MBD5: variants seen among roughly 807,000 people sequenced by gnomAD.
The protein encoded by MBD5 is methyl-CpG binding domain protein 5.
In MBD5, 13 loss-of-function variants were observed where a neutral mutation model predicts 117.3. The observed-to-expected ratio is 0.11, with a 90% confidence interval of 0.07 to 0.18. The LOEUF (loss-of-function observed/expected upper bound fraction) is 0.18. MBD5 is among the 10% of genes least tolerant of loss of function. MBD5 has a pLI of 1.00. For synonymous variants in MBD5, 727 were observed against 766.4 expected, an observed-to-expected ratio of 0.95 and a Z score of 0.85; for missense variants, 1,879 against 2,093.8, an observed-to-expected ratio of 0.90 and a Z score of 2.00.
intron 1 of MBD5, among the ~76,000 whole-genome samples, chr2:148,042,306 G>A (rs1237310818): frequency 6.6e-6 from 1 of 152,086 alleles, no homozygotes; most frequent in Non-Finnish European, 1.5e-5. Context: ...TATTTTTAGT[G>A]CCTATATAAC....
intron 4 of MBD5, among the ~76,000 whole-genome samples, chr2:148,369,650 G>A (rs1227288386): frequency 6.6e-6 from 1 of 152,008 alleles, no homozygotes; most frequent in Non-Finnish European, 1.5e-5. Context: ...GAAATAAAAA[G>A]TTGTAATACT....
chr2:148,134,202 T>C (rs1697118460), intron 1 of MBD5, among the ~76,000 whole-genome samples: 1 of 144,504 alleles, frequency 6.9e-6, no homozygotes, highest in Non-Finnish European at 1.5e-5. Context: ...AGATGATTGA[T>C]AGATAGATGA....
chr2:148,478,679 G>A (rs1460600953), intron 8 of MBD5, among the ~76,000 whole-genome samples: 1 of 152,162 alleles, frequency 6.6e-6, no homozygotes, highest in Non-Finnish European at 1.5e-5. Context: ...GTTTGTTTAG[G>A]TGGCCTTCCA....
intron 4 of MBD5, among the ~76,000 whole-genome samples, chr2:148,350,347 G>A (rs746328724): frequency 4.6e-5 from 7 of 151,924 alleles, no homozygotes; most frequent in Non-Finnish European, 7.4e-5. Context: ...AAAACCTACA[G>A]CAACAGTCAA....
At chr2:148,143,486 T>G (rs187854766) in intron 1 of MBD5, among the ~76,000 whole-genome samples, 2 of 152,344 alleles carry the variant, frequency 1.3e-5, no homozygotes, top group Admixed American at 1.3e-4. Context: ...TCAATTTTTT[T>G]TAATTATACT....
At chr2:148,282,965 T>C (rs1007759531) in intron 3 of MBD5, among the ~76,000 whole-genome samples, 4 of 144,128 alleles carry the variant, frequency 2.8e-5, no homozygotes, top group Admixed American at 1.4e-4. Flanking sequence ...ATGTCAGACA[T>C]TGGCAATTAT....
intron 4 of MBD5, among the ~76,000 whole-genome samples, chr2:148,422,743 A>G (rs2105275142): frequency 6.6e-6 from 1 of 152,282 alleles, no homozygotes; most frequent in Admixed American, 6.5e-5. Context: ...AACATAAATG[A>G]CCTCATGGAG....
At chr2:148,177,057 C>G (rs988743658) in intron 1 of MBD5, among the ~76,000 whole-genome samples, 1 of 152,100 alleles carries the variant, frequency 6.6e-6, no homozygotes, top group East Asian at 1.9e-4. Context: ...AAGATATAAT[C>G]CATAAACATG....
chr2:148,499,461 T>C (rs561512681), intron 11 of MBD5, among the ~76,000 whole-genome samples: 4 of 152,322 alleles, frequency 2.6e-5, no homozygotes, highest in African/African-American at 9.6e-5. Context: ...AGCATGAAAC[T>C]GTGTGGGTAG....
At chr2:148,485,717 A>C in intron 9 of MBD5, 25 bp from the exon 10 acceptor site, 1 of 1,527,458 alleles carries the variant, frequency 6.5e-7, no homozygotes, top group Non-Finnish European at 9.0e-7. Context: ...ACATTTATTT[A>C]TATTTTATGT....
chr2:148,345,140 G>A (rs534088809), intron 4 of MBD5, among the ~76,000 whole-genome samples: 2 of 151,682 alleles, frequency 1.3e-5, no homozygotes, highest in East Asian at 3.9e-4. Context: ...TTGTATTAGT[G>A]AGGGTTCTTT....
chr2:148,392,187 T>G (rs567750188), intron 4 of MBD5, among the ~76,000 whole-genome samples: 1 of 152,356 alleles, frequency 6.6e-6, no homozygotes, highest in South Asian at 2.1e-4. Flanking sequence ...CATTTCATTA[T>G]TGCTATAGTT....
intron 3 of MBD5, among the ~76,000 whole-genome samples, chr2:148,334,610 A>C (rs1162094282): frequency 6.6e-6 from 1 of 152,202 alleles, no homozygotes; most frequent in African/African-American, 2.4e-5. Context: ...CTAGGATTAC[A>C]GACATTACCA....
At chr2:148,502,136 A>G (rs1382742970) in intron 11 of MBD5, among the ~76,000 whole-genome samples, 1 of 152,182 alleles carries the variant, frequency 6.6e-6, no homozygotes, top group Non-Finnish European at 1.5e-5. Flanking sequence ...AGGATCTCTG[A>G]TTTTTATGAT....
At chr2:148,197,806 G>GTTTTTTTTTTTTTTT (rs67499597) in intron 2 of MBD5, among the ~76,000 whole-genome samples, 9 of 92,518 alleles carry the variant, frequency 9.7e-5, no homozygotes, top group East Asian at 3.0e-4. Flanking sequence ...TTTTTTTTTT[G>GTTTTTTTTTTTTTTT]TTTTTTTTTT....
chr2:148,258,622 TGGGACC>T lies in MBD5; in HGVS notation c.-680+25231_-680+25236del, dbSNP rs1700651077. On this transcript the variant is annotated intron_variant, in intron 3 of 13. Transcript: ENST00000642680. The stretch of plus-strand genomic sequence containing the variant: ...TAGTCTTTGAGGTAAAGCACCCGGG[TGGGACC>T]GGGTGGCGCAGCAGTGTATTTCTCC... 4.6e-5 allele frequency among the ~76,000 whole-genome samples: 7 copies of T among 152,248 alleles called. 1 individual carries two copies. The highest frequency in any genetic ancestry group is 3.9e-4 in the Admixed American group (6 of 15,294).
intron 2 of MBD5, among the ~76,000 whole-genome samples, chr2:148,180,697 CT>C (rs987588092): frequency 1.3e-5 from 2 of 151,590 alleles, no homozygotes; most frequent in African/African-American, 2.4e-5. Context: ...CGCCCGGCAT[CT>C]TTTTTTTAAA....
chr2:148,061,552 A>T (rs919328603), intron 1 of MBD5, among the ~76,000 whole-genome samples: 1 of 151,968 alleles, frequency 6.6e-6, no homozygotes, highest in African/African-American at 2.4e-5. Flanking sequence ...ATTCCTTTAT[A>T]TGTGTACATC....
At chr2:148,324,444 C>A (rs1048654169) in intron 3 of MBD5, among the ~76,000 whole-genome samples, 1 of 152,194 alleles carries the variant, frequency 6.6e-6, no homozygotes, top group Non-Finnish European at 1.5e-5. Context: ...GCCATTTTCA[C>A]AATATTTATT....
Sources: allele counts gnomAD v4.1 joint callset (sites outside exome capture counted in the v4.1 genomes callset), GRCh38; gene constraint gnomAD v4.1.1; transcripts MANE v1.5; gene names NCBI Gene and HGNC (gene_info 2026-07-23, HGNC 2026-07-21).